MPDZ: variants seen among roughly 807,000 people sequenced by gnomAD.
MPDZ encodes the protein multiple PDZ domain protein.
MPDZ carries 234 observed loss-of-function variants against 239.1 expected under a neutral mutation model. The ratio of observed to expected loss-of-function variants is 0.98; its 90% CI spans 0.88 to 1.09. MPDZ has a LOEUF of 1.09. MPDZ is among the 50% of genes least tolerant of loss of function. The pLI is 0.00. For missense variants in MPDZ, 3,175 were observed against 2,510.0 expected (o/e 1.26, Z -5.66); for synonymous variants, 1,048 against 881.3 (o/e 1.19, Z -3.35).
In MPDZ at chr9:13,208,102, T is replaced by C. The variant is rs539192296; in HGVS notation, c.1291-2003A>G. Among the ~76,000 whole-genome samples the C allele has an allele frequency of 3.9e-4, 60 of 152,296 alleles. 1 individual carries two copies. The South Asian group carries it at 0.012, about 29-fold the overall frequency. On this transcript the variant is annotated intron_variant, in intron 10 of 46. Transcript: ENST00000319217. ...AGATCTGGATTTTATAATCTAAATC[T>C]TGTAATTCAGATGTTTACTAACTTA...
chr9:13,179,518 G>A (rs1161278634), intron 19 of MPDZ, among the ~76,000 whole-genome samples: 1 of 152,034 alleles, frequency 6.6e-6, no homozygotes, highest in Non-Finnish European at 1.5e-5. Context: ...GACAACATAC[G>A]CCCACTTCAG....
intron 18 of MPDZ, among the ~76,000 whole-genome samples, chr9:13,184,677 C>T (rs568509050): frequency 2.0e-5 from 3 of 151,832 alleles, no homozygotes; most frequent in Non-Finnish European, 4.4e-5. Flanking sequence ...ATTAACTAAG[C>T]CTTGTGTCAT....
At chr9:13,173,138 T>C (rs1952002856) in intron 21 of MPDZ, among the ~76,000 whole-genome samples, 1 of 152,314 alleles carries the variant, frequency 6.6e-6, no homozygotes, top group South Asian at 2.1e-4. Context: ...GGAATAATTG[T>C]TTAATGGATA....
chr9:13,219,494 A>T (rs1293136564), intron 8 of MPDZ, 65 bp downstream of exon 8: 2 of 1,407,532 alleles, frequency 1.4e-6, no homozygotes, highest in African/African-American at 2.8e-5. Context: ...TTCTAAGTAA[A>T]CATCACTGTC....
intron 39 of MPDZ, among the ~76,000 whole-genome samples, chr9:13,115,543 AG>A (rs1381169377): frequency 2.6e-5 from 4 of 152,140 alleles, no homozygotes; most frequent in Non-Finnish European, 5.9e-5. Flanking sequence ...AGCAACACCA[AG>A]TGTTTACCTT....
At chr9:13,114,879 G>A (rs1369782122) in intron 40 of MPDZ, among the ~76,000 whole-genome samples, 2 of 151,904 alleles carry the variant, frequency 1.3e-5, no homozygotes, top group Admixed American at 6.6e-5. Flanking sequence ...CAGCCTGGGT[G>A]ACAGAGCGAG....
chr9:13,223,592 T>C lies in MPDZ; in HGVS notation c.512A>G (p.Gln171Arg). 6.2e-7 allele frequency: 1 copy of C among 1,612,186 alleles called. No homozygotes were observed. Among genetic ancestry groups the C allele is most frequent in the Non-Finnish European group, 8.5e-7 (1 of 1,178,798 alleles). The change falls in exon 5 of 47, where the codon CAA becomes CGA. Residue 171 changes from glutamine to arginine, a missense_variant. Gln to Arg is a conservative substitution (Grantham distance 43). Transcript: ENST00000319217. Reference sequence around the variant, plus strand: ...TCACCTATGGGCCACACTGCCCTCTTGTATCTCTTGAACAAATATTCCCAG... The same window carrying C: ...TCACCTATGGGCCACACTGCCCTCTCGTATCTCTTGAACAAATATTCCCAG... ...GELGIFVQEI[Q>R]EGSVAHRDGR...
At position 13,230,655 on chromosome 9, in the gene MPDZ, A is replaced by T. The variant is rs530262739; in HGVS notation, c.184-6072T>A. Among the ~76,000 whole-genome samples, 17 of 152,280 alleles carry T rather than the reference A, an allele frequency of 1.1e-4. No homozygotes were observed. The South Asian group carries it at 3.5e-3, about 32-fold the overall frequency. On this transcript the variant is annotated intron_variant, in intron 3 of 46. Coordinates refer to ENST00000319217, the MANE Select transcript of MPDZ (RefSeq NM_001378778.1). ...TTAAATATGACTATAAAAGAATAGA[A>T]TAAGGGAGATATTTGTGGTGATAAA...
Position 13,192,291 on chromosome 9 carries a change from T to C in MPDZ, c.1808A>G (p.Asn603Ser). ...ATTTTCCCCAAGTAAAGTTATGCCA[T>C]TTACCTGTGAAAAAAGATACATTGT... ...LFSGDELLEV[N>S]GITLLGENHQ... The change falls in exon 15 of 47, where the codon AAT (asparagine) becomes AGT (serine). Residue 603 changes from asparagine to serine, a missense_variant. Coordinates refer to ENST00000319217, the MANE Select transcript of MPDZ (RefSeq NM_001378778.1). The C allele has an allele frequency of 1.3e-6, 2 of 1,593,682 alleles. No individual in the cohort carries two copies. The highest frequency in any genetic ancestry group is 2.3e-5 in the East Asian group (1 of 44,252).
intron 19 of MPDZ, among the ~76,000 whole-genome samples, chr9:13,181,037 C>A (rs975415730): frequency 6.6e-6 from 1 of 152,026 alleles, no homozygotes; most frequent in Non-Finnish European, 1.5e-5. Flanking sequence ...GGTAGTATAC[C>A]TGACGAAGGC....
intron 13 of MPDZ, among the ~76,000 whole-genome samples, chr9:13,194,973 A>G (rs1430123775): frequency 6.6e-6 from 1 of 152,156 alleles, no homozygotes; most frequent in African/African-American, 2.4e-5. Context: ...TTGACTGTTA[A>G]TCATTTTGAA....
rs547025158 is a variant in MPDZ, at chr9:13,231,872, C to T, written c.184-7289G>A. Among the ~76,000 whole-genome samples, 168 of 152,032 alleles carry T rather than the reference C, an allele frequency of 1.1e-3. 1 individual carries two copies. Among genetic ancestry groups the T allele is most frequent in the South Asian group, 0.011 (52 of 4,818 alleles). On this transcript the variant is annotated intron_variant, in intron 3 of 46. Transcript: ENST00000319217. ...ATGTTAACAACTCAATTCAAAGATACTTAAAGAGGAAAATGATTATGACCA... is the reference window on the plus strand; with the variant it reads ...ATGTTAACAACTCAATTCAAAGATATTTAAAGAGGAAAATGATTATGACCA...
At chr9:13,128,443 C>A (rs1945434606) in intron 32 of MPDZ, among the ~76,000 whole-genome samples, 1 of 152,312 alleles carries the variant, frequency 6.6e-6, no homozygotes, top group African/African-American at 2.4e-5. Flanking sequence ...ATGTCCAGCC[C>A]AGTCAAATCT....
chr9:13,275,320 T>C (rs1029725841), intron 1 of MPDZ, among the ~76,000 whole-genome samples: 2 of 152,116 alleles, frequency 1.3e-5, no homozygotes, highest in African/African-American at 4.8e-5. Flanking sequence ...TTATAAAAAA[T>C]TAGGCTATAG....
At chr9:13,128,334 G>C (rs909627463) in intron 32 of MPDZ, among the ~76,000 whole-genome samples, 3 of 152,196 alleles carry the variant, frequency 2.0e-5, no homozygotes, top group Non-Finnish European at 4.4e-5. Context: ...TGCTCTGCAA[G>C]ATGCCAGCTG....
chr9:13,108,977 G>C lies in MPDZ; in HGVS notation c.6025C>G (p.His2009Asp). 1 of 1,608,284 alleles carries C rather than the reference G, an allele frequency of 6.2e-7. No homozygotes were observed. Among genetic ancestry groups the C allele is most frequent in the Non-Finnish European group, 8.5e-7 (1 of 1,177,310 alleles). ...TTAACATAAATGGGTAAGTCTCCAT[G>C]AGGGCTGCCATATCCTCCAACTATA... ...FSIVGGYGSP[H>D]GDLPIYVKTV... Residue 2009 changes from histidine to aspartate, a missense_variant, in exon 46 of 47, where the codon CAT (histidine) becomes GAT (aspartate). By Grantham distance (81) the His-to-Asp change is moderately conservative (BLOSUM62 -1). Coordinates refer to ENST00000319217, the MANE Select transcript of MPDZ (RefSeq NM_001378778.1).
chr9:13,143,575 A>G lies in MPDZ; in HGVS notation c.3742-11T>C, dbSNP rs768006711. ...AGGCAAAGGGGATTTCTAAAAGGAA[A>G]CATAAGAGGCGCTGAACGCAAAGGA... On this transcript the variant is annotated splice_polypyrimidine_tract_variant and intron_variant, in intron 26 of 46. Coordinates refer to ENST00000319217, the MANE Select transcript of MPDZ (RefSeq NM_001378778.1). 2 of 1,603,476 alleles carry G rather than the reference A, an allele frequency of 1.2e-6. No homozygotes were observed. Among genetic ancestry groups the G allele is most frequent in the East Asian group, 4.5e-5 (2 of 44,796 alleles).
At chr9:13,189,467 A>C (rs2134891258) in intron 16 of MPDZ, among the ~76,000 whole-genome samples, 1 of 152,216 alleles carries the variant, frequency 6.6e-6, no homozygotes. Context: ...AGTATGTGGT[A>C]GTGAAGTGTT....
At position 13,279,275 on chromosome 9, in the gene MPDZ, ATCCCCG is replaced by A. The variant is rs1285650558; in HGVS notation, c.-58+119_-58+124del. ...TACCCCCACCCCCACCCCCACCCCC[ATCCCCG>A]CCCCCACCCCCACCCCCAAGCGCCG... On this transcript the variant is annotated intron_variant, in intron 1 of 46. Coordinates refer to ENST00000319217, the MANE Select transcript of MPDZ (RefSeq NM_001378778.1). 48 of 27,398 alleles carry A rather than the reference ATCCCCG, an allele frequency of 1.8e-3. 3 individuals are homozygous for A. Among genetic ancestry groups the A allele is most frequent in the East Asian group, 4.8e-3 (3 of 624 alleles). The allele number at this position is 27,398 out of a possible 1,614,324, so 1.7% of individuals were successfully genotyped here.
Sources: allele counts gnomAD v4.1 joint callset (sites outside exome capture counted in the v4.1 genomes callset), GRCh38; gene constraint gnomAD v4.1.1; transcripts MANE v1.5; gene names NCBI Gene and HGNC (gene_info 2026-07-23, HGNC 2026-07-21).